Variants in CRTAC1 observed in about 807,000 individuals in gnomAD.
CRTAC1 encodes cartilage acidic protein 1, also known as acidic secreted protein in cartilage.
In CRTAC1, 37 loss-of-function variants were observed where a neutral mutation model predicts 67.8. The ratio of observed to expected loss-of-function variants is 0.55; its 90% CI spans 0.42 to 0.72. The LOEUF is 0.72. Among genes scored for constraint, CRTAC1 ranks in the 30% least tolerant of loss-of-function variants. The pLI is 0.00. For missense variants in CRTAC1, 780 were observed against 931.6 expected, an observed-to-expected ratio of 0.84 and a Z score of 2.12; for synonymous variants, 348 against 371.0, an observed-to-expected ratio of 0.94 and a Z score of 0.71.
intron 2 of CRTAC1, among the ~76,000 whole-genome samples, chr10:97,961,545 G>A (rs963263919): frequency 6.6e-6 from 1 of 152,200 alleles, no homozygotes; most frequent in African/African-American, 2.4e-5. Context: ...AGAGTGAAAG[G>A]AGGGGAGAGA....
rs1324634420 is a variant in CRTAC1 at position 98,030,556 on chromosome 10, G to T, written c.-84C>A. ...CTGCCGCCGGCGCCGCCGCCTGCTTGCTCCCAGCCCCGGTCCCGGGCTGGC... is the reference window on the plus strand; with the variant it reads ...CTGCCGCCGGCGCCGCCGCCTGCTTTCTCCCAGCCCCGGTCCCGGGCTGGC... On this transcript the variant is annotated 5_prime_UTR_variant, in exon 1 of 15. Transcript: ENST00000370597. This position sits in a 1 kb window ranked among gnomAD's most constrained non-coding sequence, Gnocchi z 4.2. The T allele has an allele frequency of 3.0e-6, 3 of 997,334 alleles. No homozygotes were observed. The highest frequency in any genetic ancestry group is 1.7e-5 in the African/African-American group (1 of 59,548). The allele number at this position is 997,334 out of a possible 1,614,324, so 61.8% of individuals were successfully genotyped here. A position where few individuals can be genotyped will look rare whatever the true frequency, so the allele number is the denominator to read the frequency against.
rs1468080530 is a variant in CRTAC1 at position 97,879,861 on chromosome 10, G to C, written c.1819+388C>G. On this transcript the variant is annotated intron_variant, in intron 14 of 14. Coordinates refer to ENST00000370597, the MANE Select transcript of CRTAC1 (RefSeq NM_018058.7). ...GGAAAAAGAGAAAGGGGGTGGGGACGGGGTGGGGGTGGAGGAAGGAGTTTG... is the reference window on the plus strand; with the variant it reads ...GGAAAAAGAGAAAGGGGGTGGGGACCGGGTGGGGGTGGAGGAAGGAGTTTG... The C allele has an allele frequency of 7.8e-6, 9 of 1,151,394 alleles. No homozygotes were observed. The Admixed American group carries it at 2.4e-4, about 31-fold the overall frequency. The allele number at this position is 1,151,394 out of a possible 1,614,324, so 71.3% of individuals were successfully genotyped here.
chr10:97,931,159 C>T lies in CRTAC1; in HGVS notation c.421+5011G>A, dbSNP rs1324707436. Among the ~76,000 whole-genome samples, 6 of 152,248 alleles carry T rather than the reference C, an allele frequency of 3.9e-5. No individual in the cohort carries two copies. The East Asian group carries it at 9.7e-4, about 24-fold the overall frequency. On this transcript the variant is annotated intron_variant, in intron 3 of 14. Transcript: ENST00000370597. Reference sequence around the variant, plus strand: ...ACTGCACTTAGATATAATTTTTCCCCATCAGATTAGCAAATACTGTAAAAA... The same window carrying T: ...ACTGCACTTAGATATAATTTTTCCCTATCAGATTAGCAAATACTGTAAAAA...
chr10:97,989,598 C>T (rs1480692950), intron 2 of CRTAC1, among the ~76,000 whole-genome samples: 1 of 152,172 alleles, frequency 6.6e-6, no homozygotes, highest in Non-Finnish European at 1.5e-5. Flanking sequence ...GTGGGACCAC[C>T]ATTGTACATG....
At chr10:98,003,744 T>C (rs1458061912) in intron 2 of CRTAC1, among the ~76,000 whole-genome samples, 1 of 152,222 alleles carries the variant, frequency 6.6e-6, no homozygotes, top group African/African-American at 2.4e-5. Context: ...CATTATTCTG[T>C]CTACCACACC....
intron 2 of CRTAC1, among the ~76,000 whole-genome samples, chr10:97,997,049 C>T (rs1160239726): frequency 2.4e-5 from 3 of 125,288 alleles, no homozygotes; most frequent in African/African-American, 9.4e-5. Flanking sequence ...AACACATGGA[C>T]ACAGGAAGGG....
rs377251186 is a variant in CRTAC1, at chr10:97,951,966, TTAA to T, written c.225-15603_225-15601del. Among the ~76,000 whole-genome samples, 344 of 152,280 alleles carry T rather than the reference TTAA, an allele frequency of 2.3e-3. 2 individuals are homozygous for T. Among genetic ancestry groups the T allele is most frequent in the African/African-American group, 7.6e-3 (316 of 41,564 alleles). ...GGTGCCCAGGGGATTCACATGCACA[TTAA>T]TGTTTCAGAAGGGCTGGTCTGGATC... On this transcript the variant is annotated intron_variant, in intron 2 of 14. Coordinates refer to ENST00000370597, the MANE Select transcript of CRTAC1 (RefSeq NM_018058.7).
chr10:97,998,914 A>G (rs1041498967), intron 2 of CRTAC1, among the ~76,000 whole-genome samples: 1 of 152,220 alleles, frequency 6.6e-6, no homozygotes, highest in African/African-American at 2.4e-5. Flanking sequence ...GTTAAGTTAA[A>G]ACGTATGTAA....
chr10:97,885,713 G>C (rs984173109), intron 11 of CRTAC1, among the ~76,000 whole-genome samples: 1 of 152,154 alleles, frequency 6.6e-6, no homozygotes, highest in African/African-American at 2.4e-5. Context: ...CTGGGAAGGA[G>C]AGCTGTGCCC....
chr10:97,905,435 G>A (rs1202287078), intron 6 of CRTAC1, among the ~76,000 whole-genome samples: 1 of 152,094 alleles, frequency 6.6e-6, no homozygotes, highest in African/African-American at 2.4e-5. Context: ...CACTTCCTCC[G>A]GGAAGCCCTC....
chr10:97,891,684 C>A (rs1036861726), intron 11 of CRTAC1, among the ~76,000 whole-genome samples: 6 of 152,238 alleles, frequency 3.9e-5, no homozygotes, highest in African/African-American at 1.4e-4. Flanking sequence ...TCTGTCGCCC[C>A]CTGTTCTCGC....
At chr10:97,964,184 C>T (rs990762642) in intron 2 of CRTAC1, among the ~76,000 whole-genome samples, 4 of 152,182 alleles carry the variant, frequency 2.6e-5, no homozygotes, top group East Asian at 3.8e-4. Flanking sequence ...CAGTGCATTA[C>T]GCTGGGTGGC....
intron 14 of CRTAC1, chr10:97,879,922 A>G: frequency 1.1e-6 from 1 of 913,380 alleles, no homozygotes; most frequent in Non-Finnish European, 1.7e-6. Context: ...ATTCAGCCAA[A>G]GATGAGTAGT....
chr10:97,893,005 T>C (rs1202308042), intron 11 of CRTAC1, among the ~76,000 whole-genome samples: 1 of 152,224 alleles, frequency 6.6e-6, no homozygotes, highest in Non-Finnish European at 1.5e-5. Context: ...CAAGGAAGCC[T>C]GGGTTTGAAT....
rs758287664 is a variant in CRTAC1 at position 97,917,713 on chromosome 10, C to T, written c.559-57G>A. On this transcript the variant is annotated intron_variant, in intron 4 of 14. Transcript: ENST00000370597. ...GGCCACCTTGGCTCATCCCAGAAAC[C>T]GCCCCCTCCCCACCCCAGGTAGGAC... 17 of 1,378,304 alleles carry T rather than the reference C, an allele frequency of 1.2e-5. No homozygotes were observed. In the East Asian group the frequency reaches 1.6e-4, roughly 13 times the overall value. The allele number at this position is 1,378,304 out of a possible 1,614,324, so 85.4% of individuals were successfully genotyped here.
rs1163447604 is a variant in CRTAC1 at position 97,895,834 on chromosome 10, A to G, written c.1317+51T>C. Reference sequence around the variant, plus strand: ...CACCTTGCCCTCACCAACTCAAGGTACCCGAGAGCACACAGGGCTGGGATC... The same window carrying G: ...CACCTTGCCCTCACCAACTCAAGGTGCCCGAGAGCACACAGGGCTGGGATC... On this transcript the variant is annotated intron_variant, in intron 10 of 14. Transcript: ENST00000370597. The surrounding 1 kb of genome is among the most constrained non-coding windows in gnomAD (Gnocchi z 4.2). 2 of 1,486,418 alleles carry G rather than the reference A, an allele frequency of 1.3e-6. No homozygotes were observed. The highest frequency in any genetic ancestry group is 3.5e-4 in the Middle Eastern group (2 of 5,738). 92.1% of individuals were successfully genotyped at this position (1,486,418 alleles called of 1,614,324 possible).
Position 97,895,758 on chromosome 10 carries a change from C to T in CRTAC1, c.1317+127G>A, listed in dbSNP as rs1419260331. ...GCTGCTGGAATTTACTTCCCTCCTC[C>T]AGGGCCCGGGACTTCCATTACCCAC... is the stretch of plus-strand genomic sequence containing the variant. On this transcript the variant is annotated intron_variant, in intron 10 of 14. Transcript: ENST00000370597. This position sits in a 1 kb window ranked among gnomAD's most constrained non-coding sequence, Gnocchi z 4.2. The T allele has an allele frequency of 1.4e-6, 1 of 738,306 alleles. No homozygotes were observed. The allele number at this position is 738,306 out of a possible 1,614,324, so 45.7% of individuals were successfully genotyped here. A position where few individuals can be genotyped will look rare whatever the true frequency, so the allele number is the denominator to read the frequency against.
chr10:97,974,858 G>A (rs899698264), intron 2 of CRTAC1, among the ~76,000 whole-genome samples: 1 of 152,224 alleles, frequency 6.6e-6, no homozygotes, highest in Non-Finnish European at 1.5e-5. Flanking sequence ...AGTCTGCGAG[G>A]CTGAATGAAT....
At chr10:97,914,108 G>A (rs2050726040) in intron 5 of CRTAC1, among the ~76,000 whole-genome samples, 1 of 152,344 alleles carries the variant, frequency 6.6e-6, no homozygotes, top group East Asian at 1.9e-4. Flanking sequence ...CAGAGTTCCT[G>A]GGGAGGAGGC....
Sources: allele counts gnomAD v4.1 joint callset (sites outside exome capture counted in the v4.1 genomes callset), GRCh38; gene constraint gnomAD v4.1.1; non-coding constraint Gnocchi (gnomAD v3.1); transcripts MANE v1.5; gene names NCBI Gene and HGNC (gene_info 2026-07-23, HGNC 2026-07-21).